The following HTT variants were observed in gnomAD, a reference collection of about 807,000 sequenced individuals.
The protein encoded by HTT is huntingtin, also known as huntington disease protein.
Under a neutral mutation model 362.3 loss-of-function variants are expected in HTT, and 104 were observed. That is an observed-to-expected ratio of 0.29 (90% confidence interval 0.24 to 0.34). HTT has a LOEUF of 0.34. Among genes scored for constraint, HTT ranks in the 10% least tolerant of loss-of-function variants. HTT has a pLI of 1.00. For missense variants in HTT, 3,301 were observed against 3,928.6 expected (o/e 0.84, Z 4.27); for synonymous variants, 1,577 against 1,548.7 (o/e 1.02, Z -0.43).
At position 3,199,781 on chromosome 4, in the gene HTT, T is replaced by A; in HGVS notation, c.5418T>A (p.Asp1806Glu). 2 of 1,614,224 alleles carry A rather than the reference T, an allele frequency of 1.2e-6. No individual in the cohort carries two copies. The highest frequency in any genetic ancestry group is 1.7e-6 in the Non-Finnish European group (2 of 1,180,038). ...CTGCCACTAGGCTGTTCCGCAGTGA[T>A]GGCTGTGGCGGCAGTTTCTACACCC... ...TAAATRLFRS[D>E]GCGGSFYTLD... The change falls in exon 41 of 67, where the codon GAT (aspartate) becomes GAA (glutamate). Residue 1806 changes from aspartate (D) to glutamate (E), a missense_variant. By Grantham distance (45) the Asp-to-Glu change is conservative. This residue lies in a region of HTT where 2,316 missense variants were observed against 2,658.5 expected (regional missense o/e 0.87). Transcript: ENST00000355072.
chr4:3,129,771 CG>C (rs1206122189), intron 12 of HTT, 152 bp from the exon 13 acceptor site: 1 of 807,152 alleles, frequency 1.2e-6, no homozygotes, highest in African/African-American at 1.7e-5. Flanking sequence ...AGTTTCCATG[CG>C]TGCATTTCTG....
chr4:3,076,280 T>C (rs28583447), intron 1 of HTT, among the ~76,000 whole-genome samples: 12,440 of 152,192 alleles, frequency 0.082, 1,023 homozygotes, highest in African/African-American at 0.21. Context: ...AGTACTCTGG[T>C]GCAGTTCAGG....
intron 41 of HTT, chr4:3,203,127 AC>A (rs1224197742): frequency 6.6e-6 from 1 of 152,222 alleles, no homozygotes; most frequent in Non-Finnish European, 1.5e-5. Flanking sequence ...GCTCCTTGCA[AC>A]TGCTGAGCAT....
intron 40 of HTT, among the ~76,000 whole-genome samples, chr4:3,192,736 G>C (rs777397374): frequency 1.3e-5 from 2 of 152,218 alleles, no homozygotes; most frequent in Non-Finnish European, 2.9e-5. Context: ...AAAGGGATGG[G>C]AGCAGGGTGC....
Position 3,149,294 on chromosome 4 carries a change from C to CG in HTT, c.3498+1087_3498+1088insG, listed in dbSNP as rs1224087180. 6.1e-5 allele frequency among the ~76,000 whole-genome samples: 8 copies of CG among 130,886 alleles called. No individual in the cohort carries two copies. The East Asian group carries it at 1.1e-3, about 18-fold the overall frequency. 85.9% of individuals were successfully genotyped at this position (130,886 alleles called of 152,430 possible). The stretch of plus-strand genomic sequence containing the variant: ...GATTTAAGATAGACCAGTTCACATA[C>CG]TTTTTTTTTTTTTTTTTTTTGAGAT... On this transcript the variant is annotated intron_variant, in intron 26 of 66. Transcript: ENST00000355072.
chr4:3,188,648 G>A (rs936762978), intron 39 of HTT: 1 of 227,122 alleles, frequency 4.4e-6, no homozygotes, highest in African/African-American at 2.3e-5. Flanking sequence ...GAAGCAGCTG[G>A]CTAAAATTGA....
At chr4:3,137,573 C>T (rs1716128496) in intron 21 of HTT, among the ~76,000 whole-genome samples, 1 of 152,178 alleles carries the variant, frequency 6.6e-6, no homozygotes, top group Non-Finnish European at 1.5e-5. Context: ...GTGGCACACG[C>T]CTGTAATCCC....
intron 9 of HTT, 158 bp downstream of exon 9, chr4:3,121,590 G>A (rs946185827): frequency 1.0e-4 from 58 of 560,714 alleles, no homozygotes; most frequent in Non-Finnish European, 1.7e-4. Flanking sequence ...AAATAGGGGA[G>A]TTGGGCTGGG....
intron 52 of HTT, among the ~76,000 whole-genome samples, chr4:3,219,629 A>G (rs930167364): frequency 1.3e-5 from 2 of 152,120 alleles, no homozygotes; most frequent in African/African-American, 4.8e-5. Flanking sequence ...TTGTCACCTC[A>G]CTGAAGGCAT....
At chr4:3,232,212 C>T (rs1021014175) in intron 60 of HTT, among the ~76,000 whole-genome samples, 1 of 152,224 alleles carries the variant, frequency 6.6e-6, no homozygotes, top group African/African-American at 2.4e-5. Context: ...CCACAAAGAA[C>T]AGCCTCCTCT....
intron 31 of HTT, among the ~76,000 whole-genome samples, chr4:3,174,319 G>A (rs1560579682): frequency 6.6e-6 from 1 of 152,100 alleles, no homozygotes; most frequent in Non-Finnish European, 1.5e-5. Flanking sequence ...TCTTAGAAGG[G>A]ATATCATTGA....
Position 3,160,277 on chromosome 4 carries a change from C to T in HTT, c.3754-5C>T. 1 of 1,542,026 alleles carries T rather than the reference C, an allele frequency of 6.5e-7. No homozygotes were observed. Among genetic ancestry groups the T allele is most frequent in the Non-Finnish European group, 8.8e-7 (1 of 1,138,052 alleles). ...ACCGTGTGTTCTCTCCTTCACCTTC[C>T]CAAGGTCACGCTGGATCTTCAGAAC... On this transcript the variant is annotated splice_region_variant and splice_polypyrimidine_tract_variant and intron_variant, in intron 28 of 66. Coordinates refer to ENST00000355072, the MANE Select transcript of HTT (RefSeq NM_001388492.1).
At chr4:3,181,755 A>C (rs1718536843) in intron 36 of HTT, among the ~76,000 whole-genome samples, 1 of 152,188 alleles carries the variant, frequency 6.6e-6, no homozygotes, top group South Asian at 2.1e-4. Context: ...AAAATGAGCA[A>C]CTGGCAAGCA....
At chr4:3,127,075 T>TCAG (rs1342933333) in intron 11 of HTT, among the ~76,000 whole-genome samples, 189 bp from the exon 12 acceptor site, 1 of 152,236 alleles carries the variant, frequency 6.6e-6, no homozygotes, top group Non-Finnish European at 1.5e-5. Flanking sequence ...ATAAGGTGGG[T>TCAG]ACTGTAGTGG....
chr4:3,230,030 C>A lies in HTT; in HGVS notation c.8253C>A (p.Ala2751=), dbSNP rs2229985. The change falls in exon 60 of 67, where the codon GCC becomes GCA. Residue 2751 remains alanine, a synonymous_variant. Coordinates refer to ENST00000355072, the MANE Select transcript of HTT (RefSeq NM_001388492.1). ...TGCCTGCCACCTGCAAGGCAGCTGC[C>A]GTCCTTGGGATGGTAAGTGACAGGT... The part of the protein sequence containing the change: ...YLVPATCKAA[A]VLGMDKAVAE... 6.2e-7 allele frequency: 1 copy of A among 1,613,940 alleles called. No individual in the cohort carries two copies. The highest frequency in any genetic ancestry group is 1.1e-5 in the South Asian group (1 of 91,062).
chr4:3,173,646 C>G (rs1363666894), intron 31 of HTT, among the ~76,000 whole-genome samples: 1 of 151,658 alleles, frequency 6.6e-6, no homozygotes, highest in Non-Finnish European at 1.5e-5. Flanking sequence ...AGCTTTATGA[C>G]TAGAAGTCTC....
intron 29 of HTT, among the ~76,000 whole-genome samples, chr4:3,164,608 A>G (rs950943637): frequency 2.2e-4 from 34 of 152,206 alleles, no homozygotes; most frequent in African/African-American, 7.9e-4. Flanking sequence ...GTGCTCCTGT[A>G]TTGGGGGCGT....
intron 32 of HTT, 27 bp from the exon 33 acceptor site, chr4:3,174,919 C>A (rs368368290): frequency 2.6e-6 from 4 of 1,551,140 alleles, no homozygotes; most frequent in East Asian, 2.3e-5. Context: ...CTTATGGATT[C>A]TTTCTTTCTT....
At chr4:3,090,358 C>T (rs1713434553) in intron 2 of HTT, among the ~76,000 whole-genome samples, 2 of 152,090 alleles carry the variant, frequency 1.3e-5, no homozygotes, top group African/African-American at 4.8e-5. Context: ...GTCCTTTTTC[C>T]CAAACATACT....
Sources: gnomAD v4.1 joint callset for allele counts (sites outside exome capture counted in the v4.1 genomes callset) on GRCh38, gnomAD v4.1.1 for gene constraint, gnomAD v4.1.1 regional missense constraint, MANE v1.5 for transcripts, NCBI Gene and HGNC (gene_info 2026-07-23, HGNC 2026-07-21) for gene names.